NDUFV2: variants seen among roughly 807,000 people sequenced by gnomAD.
The protein encoded by NDUFV2 is NADH dehydrogenase [ubiquinone] flavoprotein 2, mitochondrial.
In NDUFV2, 18 loss-of-function variants were observed where a neutral mutation model predicts 31.6. That is an observed-to-expected ratio of 0.57 (90% CI 0.39 to 0.84). The LOEUF (loss-of-function observed/expected upper bound fraction) is 0.84, where lower values mean the gene tolerates loss of function less well. Ranked by LOEUF, NDUFV2 falls within the 40% of genes least tolerant of loss-of-function variation. NDUFV2 has a pLI of 0.00. For missense variants in NDUFV2, 314 were observed against 303.6 expected (o/e 1.03, Z -0.26); for synonymous variants, 83 against 99.8 (o/e 0.83, Z 1.01).
At chr18:9,134,138 A>C in intron 7 of NDUFV2, 48 bp from the exon 8 acceptor site, 2 of 1,465,948 alleles carry the variant, frequency 1.4e-6, no homozygotes, top group Non-Finnish European at 1.9e-6. Flanking sequence ...TTAAGTAAAA[A>C]TTTACAAATG....
intron 5 of NDUFV2, among the ~76,000 whole-genome samples, chr18:9,123,714 A>C (rs543458897): frequency 6.6e-6 from 1 of 152,118 alleles, no homozygotes; most frequent in African/African-American, 2.4e-5. Flanking sequence ...GTGGTTGTGA[A>C]ATCCTGGCCT....
chr18:9,117,038 CTT>C (rs11348180), intron 1 of NDUFV2, among the ~76,000 whole-genome samples: 23 of 143,634 alleles, frequency 1.6e-4, no homozygotes, highest in African/African-American at 1.5e-4. Context: ...TCTGAAACTA[CTT>C]TTTTTTTTTT....
chr18:9,118,840 T>TA (rs1555697075), intron 2 of NDUFV2, among the ~76,000 whole-genome samples: 2 of 149,324 alleles, frequency 1.3e-5, no homozygotes, highest in Non-Finnish European at 3.0e-5. Context: ...TTTTTTTTTT[T>TA]AAGATGGTCC....
In NDUFV2 at chr18:9,109,579, C is replaced by A. The variant is rs140766499; in HGVS notation, c.54+6782C>A. Among the ~76,000 whole-genome samples the A allele has an allele frequency of 2.5e-3, 375 of 152,304 alleles. 8 individuals are homozygous for A. Among genetic ancestry groups the A allele is most frequent in the African/African-American group, 8.5e-3 (353 of 41,562 alleles). On this transcript the variant is annotated intron_variant, in intron 1 of 7. Transcript: ENST00000318388. ...GAGAATATAAAACTTTAATTTTTGT[C>A]ATTTTGAGCTATTGGTATTGCCAGT...
chr18:9,131,108 T>G lies in NDUFV2; in HGVS notation c.657-3078T>G, dbSNP rs146868981. ...TTTGCATGTTGTCTGTATTATATAC[T>G]GACTGTATTCTTACCATAATCTAGA... On this transcript the variant is annotated intron_variant, in intron 7 of 7. Coordinates refer to ENST00000318388, the MANE Select transcript of NDUFV2 (RefSeq NM_021074.5). Among the ~76,000 whole-genome samples the G allele has an allele frequency of 2.7e-3, 416 of 152,366 alleles. 4 individuals carry two copies. The highest frequency in any genetic ancestry group is 4.4e-3 in the Non-Finnish European group (296 of 68,036).
chr18:9,130,359 C>T (rs1000786515), intron 7 of NDUFV2, among the ~76,000 whole-genome samples: 1 of 152,148 alleles, frequency 6.6e-6, no homozygotes, highest in African/African-American at 2.4e-5. Flanking sequence ...AATAGTTTTT[C>T]GCTGAGATTT....
At chr18:9,103,768 A>C (rs539821277) in intron 1 of NDUFV2, 73 of 161,542 alleles carry the variant, frequency 4.5e-4, no homozygotes, top group African/African-American at 1.6e-3. Context: ...TCCTTTTTGC[A>C]GAGTTCAGTC....
At chr18:9,124,725 G>A (rs2077972874) in intron 5 of NDUFV2, 149 bp from the exon 6 acceptor site, 1 of 675,450 alleles carries the variant, frequency 1.5e-6, no homozygotes, top group East Asian at 3.1e-5. Context: ...TGGGATTACA[G>A]GCGTGAGCCA....
chr18:9,116,093 T>G (rs2077896504), intron 1 of NDUFV2, among the ~76,000 whole-genome samples: 1 of 152,248 alleles, frequency 6.6e-6, no homozygotes, highest in African/African-American at 2.4e-5. Context: ...GTTCATGATC[T>G]TTACTCATTT....
chr18:9,109,885 TC>T (rs1261335823), intron 1 of NDUFV2, among the ~76,000 whole-genome samples: 1 of 152,168 alleles, frequency 6.6e-6, no homozygotes. Flanking sequence ...TCTTTTCTTT[TC>T]CTTCTGAAAC....
intron 1 of NDUFV2, 124 bp downstream of exon 1, chr18:9,102,921 C>A: frequency 9.4e-7 from 1 of 1,063,650 alleles, no homozygotes; most frequent in South Asian, 1.7e-5. Flanking sequence ...GGCAAGGACA[C>A]TGCGGCCTTA....
intron 7 of NDUFV2, among the ~76,000 whole-genome samples, chr18:9,131,231 AG>A (rs1308335315): frequency 6.6e-6 from 1 of 152,180 alleles, no homozygotes; most frequent in Non-Finnish European, 1.5e-5. Flanking sequence ...GTATAGGCTG[AG>A]GAAGAGGAGG....
chr18:9,108,689 ATTT>A (rs11291545), intron 1 of NDUFV2, among the ~76,000 whole-genome samples: 11 of 123,000 alleles, frequency 8.9e-5, no homozygotes, highest in Admixed American at 1.7e-4. Flanking sequence ...TTTTCATGGA[ATTT>A]TTTTTTTTTT....
intron 1 of NDUFV2, among the ~76,000 whole-genome samples, chr18:9,106,150 G>A (rs1320155592): frequency 6.6e-6 from 1 of 152,190 alleles, no homozygotes; most frequent in Non-Finnish European, 1.5e-5. Flanking sequence ...TTCAGCCAGA[G>A]ATTTCCGTAG....
At chr18:9,105,431 G>A (rs1412436920) in intron 1 of NDUFV2, among the ~76,000 whole-genome samples, 1 of 152,142 alleles carries the variant, frequency 6.6e-6, no homozygotes, top group Admixed American at 6.5e-5. Flanking sequence ...GGTGATTGTA[G>A]TAATTGACTA....
intron 7 of NDUFV2, among the ~76,000 whole-genome samples, chr18:9,128,003 T>C (rs996709523): frequency 2.0e-5 from 3 of 152,240 alleles, no homozygotes; most frequent in African/African-American, 4.8e-5. Flanking sequence ...CTTTCAGTTA[T>C]GAACTTGGAT....
In NDUFV2 at chr18:9,103,014, G is replaced by A. The variant is rs142845591; in HGVS notation, c.54+217G>A. On this transcript the variant is annotated intron_variant, in intron 1 of 7. Coordinates refer to ENST00000318388, the MANE Select transcript of NDUFV2 (RefSeq NM_021074.5). ...ATACTGGGAAGTGTACTCCTAGTTTGGTCGAGGAGGACAGAAAAGAGGGGC... is the reference window on the plus strand; with the variant it reads ...ATACTGGGAAGTGTACTCCTAGTTTAGTCGAGGAGGACAGAAAAGAGGGGC... 618 of 509,232 alleles carry A rather than the reference G, an allele frequency of 1.2e-3. 6 individuals carry two copies. Among genetic ancestry groups the A allele is most frequent in the African/African-American group, 0.012 (570 of 49,524 alleles). The allele number at this position is 509,232 out of a possible 1,614,324, so 31.5% of individuals were successfully genotyped here.
intron 1 of NDUFV2, among the ~76,000 whole-genome samples, chr18:9,114,326 T>C (rs533535354): frequency 6.6e-6 from 1 of 152,228 alleles, no homozygotes; most frequent in Admixed American, 6.5e-5. Context: ...AAAAAATAAT[T>C]ATGTGCAAAT....
At position 9,126,165 on chromosome 18, in the gene NDUFV2, GGTTT is replaced by G. The variant is rs1477317189; in HGVS notation, c.580-660_580-657del. ...GTCTAAATATAGTAGCCTGTAGATG[GGTTT>G]GTTTGAGATAGGTATTCTTTCAGTT... On this transcript the variant is annotated intron_variant, in intron 6 of 7. Transcript: ENST00000318388. Among the ~76,000 whole-genome samples, 3 of 152,292 alleles carry G rather than the reference GGTTT, an allele frequency of 2.0e-5. No individual in the cohort carries two copies. In the East Asian group the frequency reaches 5.8e-4, roughly 29 times the overall value.
Sources: gnomAD v4.1 joint callset for allele counts (sites outside exome capture counted in the v4.1 genomes callset) on GRCh38, gnomAD v4.1.1 for gene constraint, MANE v1.5 for transcripts, NCBI Gene and HGNC (gene_info 2026-07-23, HGNC 2026-07-21) for gene names.